The following PPP2R2C variants were observed in gnomAD, a reference collection of about 807,000 sequenced individuals.
PPP2R2C encodes the protein protein phosphatase 2, regulatory subunit B, gamma.
Under a neutral mutation model 45.3 loss-of-function variants are expected in PPP2R2C, and 10 were observed. The ratio of observed to expected loss-of-function variants is 0.22; its 90% CI spans 0.14 to 0.37. PPP2R2C has a LOEUF of 0.37. Among genes scored for constraint, PPP2R2C ranks in the 10% least tolerant of loss-of-function variants. PPP2R2C has a pLI of 1.00. For missense variants in PPP2R2C, 308 were observed against 619.7 expected, an observed-to-expected ratio of 0.50 and a Z score of 5.34; for synonymous variants, 257 against 245.4, an observed-to-expected ratio of 1.05 and a Z score of -0.44.
chr4:6,420,173 T>C (rs1718868045), intron 1 of PPP2R2C, among the ~76,000 whole-genome samples: 1 of 152,150 alleles, frequency 6.6e-6, no homozygotes. Flanking sequence ...CACATACAAC[T>C]ACTCCACATG....
intron 8 of PPP2R2C, among the ~76,000 whole-genome samples, chr4:6,327,454 C>T (rs754049547): frequency 2.0e-4 from 31 of 152,204 alleles, no homozygotes; most frequent in Non-Finnish European, 4.0e-4. Context: ...GCCGCGGGTG[C>T]CCCCTGGTGG....
chr4:6,450,156 T>C (rs1222612577), intron 1 of PPP2R2C, among the ~76,000 whole-genome samples: 2 of 152,328 alleles, frequency 1.3e-5, no homozygotes, highest in African/African-American at 4.8e-5. Flanking sequence ...CCAGCATCCC[T>C]GCCGGCTGTG....
chr4:6,378,673 G>A lies in PPP2R2C; in HGVS notation c.169-101C>T, dbSNP rs1577126894. 1.6e-5 allele frequency: 21 copies of A among 1,273,752 alleles called. No homozygotes were observed. Among genetic ancestry groups the A allele is most frequent in the East Asian group, 1.2e-4 (5 of 42,734 alleles). 78.9% of individuals were successfully genotyped at this position (1,273,752 alleles called of 1,614,324 possible). On this transcript the variant is annotated intron_variant, in intron 2 of 8. Transcript: ENST00000382599. This position sits in a 1 kb window ranked among gnomAD's most constrained non-coding sequence, Gnocchi z 5.2. ...AGGGCCGGCCGTGGGACCAAGTGCCGAGCCGTGCCAGGGATCCAATTCGAG... is the reference window on the plus strand; with the variant it reads ...AGGGCCGGCCGTGGGACCAAGTGCCAAGCCGTGCCAGGGATCCAATTCGAG...
intron 5 of PPP2R2C, chr4:6,348,639 C>T (rs970953521): frequency 4.3e-5 from 42 of 985,130 alleles, no homozygotes; most frequent in Non-Finnish European, 1.3e-5. Flanking sequence ...GACCCCAGGA[C>T]TTGGAATACT....
At chr4:6,534,023 C>T (rs1037855671) in intron 2 of PPP2R2C, among the ~76,000 whole-genome samples, 1 of 141,970 alleles carries the variant, frequency 7.0e-6, no homozygotes, top group Non-Finnish European at 1.6e-5. Context: ...CACACCCCAA[C>T]ACACACATGT....
chr4:6,477,951 C>T (rs1354022841), intron 2 of PPP2R2C, among the ~76,000 whole-genome samples: 1 of 152,070 alleles, frequency 6.6e-6, no homozygotes, highest in Non-Finnish European at 1.5e-5. Flanking sequence ...CTCATGTGGT[C>T]CGTGTTCCCC....
At chr4:6,396,484 C>T (rs1375560065) in intron 1 of PPP2R2C, among the ~76,000 whole-genome samples, 2 of 152,222 alleles carry the variant, frequency 1.3e-5, no homozygotes, top group African/African-American at 2.4e-5. Flanking sequence ...TTATCGGGCT[C>T]CTTTCCTCCA....
intron 1 of PPP2R2C, among the ~76,000 whole-genome samples, chr4:6,417,708 TGAGGGCAGGCA>T (rs1207442880): frequency 2.0e-5 from 3 of 152,170 alleles, no homozygotes. Context: ...GTGCCTCCAG[TGAGGGCAGGCA>T]GGCTTTCTCA....
intron 1 of PPP2R2C, among the ~76,000 whole-genome samples, chr4:6,430,094 G>C (rs1320007514): frequency 6.6e-6 from 1 of 152,174 alleles, no homozygotes; most frequent in African/African-American, 2.4e-5. Context: ...TCAAGGCCTT[G>C]AATTTCCATT....
At position 6,382,980 on chromosome 4, in the gene PPP2R2C, G is replaced by A. The variant is rs906382756; in HGVS notation, c.71-1886C>T. ...CCACCTGCCGAGGCCCAGGTGGGCCGCATCTGGAGCCAAACCTTCACCCCT... is the reference window on the plus strand; with the variant it reads ...CCACCTGCCGAGGCCCAGGTGGGCCACATCTGGAGCCAAACCTTCACCCCT... On this transcript the variant is annotated intron_variant, in intron 1 of 8. Coordinates refer to ENST00000382599, the MANE Select transcript of PPP2R2C (RefSeq NM_020416.4). 31 of 1,068,254 alleles carry A rather than the reference G, an allele frequency of 2.9e-5. No homozygotes were observed. In the African/African-American group the frequency reaches 3.2e-4, roughly 11 times the overall value. The allele number at this position is 1,068,254 out of a possible 1,614,324, so 66.2% of individuals were successfully genotyped here. A position where few individuals can be genotyped will look rare whatever the true frequency, so the allele number is the denominator to read the frequency against.
chr4:6,323,347 G>C lies in PPP2R2C; in HGVS notation c.1299C>G (p.Asn433Lys). Residue 433 changes from asparagine to lysine, a missense_variant, in exon 9 of 9, where the codon AAC (asparagine) becomes AAG (lysine). Asn to Lys is a moderately conservative substitution (Grantham distance 94). Transcript: ENST00000382599. Reference protein sequence around the residue: ...AENIIAIAATNNLYIFQDKVN... With the variant: ...AENIIAIAATKNLYIFQDKVN... ...CCTTGTCCTGGAAGATGTACAGGTT[G>C]TTGGTGGCGGCGATGGCAATGATGT... The C allele has an allele frequency of 6.2e-7, 1 of 1,613,452 alleles. No individual in the cohort carries two copies. Among genetic ancestry groups the C allele is most frequent in the Non-Finnish European group, 8.5e-7 (1 of 1,179,444 alleles).
chr4:6,464,308 C>T (rs1199731799), intron 1 of PPP2R2C, among the ~76,000 whole-genome samples: 1 of 152,182 alleles, frequency 6.6e-6, no homozygotes, highest in Admixed American at 6.5e-5. Flanking sequence ...TGGTGAGATG[C>T]CTGTCTTTGC....
At chr4:6,415,371 G>A (rs1026096519) in intron 1 of PPP2R2C, among the ~76,000 whole-genome samples, 1 of 152,184 alleles carries the variant, frequency 6.6e-6, no homozygotes, top group African/African-American at 2.4e-5. Flanking sequence ...TTGCTTCACT[G>A]TTTCTGCTTT....
chr4:6,488,027 G>A (rs1269691616), intron 2 of PPP2R2C, among the ~76,000 whole-genome samples: 1 of 152,044 alleles, frequency 6.6e-6, no homozygotes, highest in Non-Finnish European at 1.5e-5. Context: ...TATCCAGTGT[G>A]TTTTTCATAT....
intron 1 of PPP2R2C, among the ~76,000 whole-genome samples, chr4:6,437,294 G>A (rs1328016163): frequency 6.6e-6 from 1 of 152,222 alleles, no homozygotes; most frequent in Non-Finnish European, 1.5e-5. Flanking sequence ...AAAGGGCTAG[G>A]CTGAACACAA....
chr4:6,451,335 C>A (rs6836145), intron 1 of PPP2R2C, among the ~76,000 whole-genome samples: 47,392 of 152,200 alleles, frequency 0.31, 7,880 homozygotes, highest in African/African-American at 0.43. Flanking sequence ...CCAGGCTTCT[C>A]GGCACGGCCC....
intron 1 of PPP2R2C, chr4:6,382,654 C>A (rs1233117174): frequency 5.6e-5 from 15 of 268,146 alleles, no homozygotes; most frequent in African/African-American, 4.2e-4. Flanking sequence ...CTCTCTCTCT[C>A]TCTCTCTCTC....
chr4:6,418,762 G>A (rs1161196989), intron 1 of PPP2R2C, among the ~76,000 whole-genome samples: 1 of 152,264 alleles, frequency 6.6e-6, no homozygotes, highest in African/African-American at 2.4e-5. Flanking sequence ...TTGGGTCTCA[G>A]AGGAAGACCT....
chr4:6,549,154 G>A (rs762526943), intron 1 of PPP2R2C, among the ~76,000 whole-genome samples: 2 of 152,136 alleles, frequency 1.3e-5, no homozygotes, highest in Non-Finnish European at 2.9e-5. Context: ...CACTGCAGTA[G>A]CCTCCAAAGT....
Sources: allele counts gnomAD v4.1 joint callset (sites outside exome capture counted in the v4.1 genomes callset), GRCh38; gene constraint gnomAD v4.1.1; non-coding constraint Gnocchi (gnomAD v3.1); transcripts MANE v1.5; gene names NCBI Gene and HGNC (gene_info 2026-07-23, HGNC 2026-07-21).